Variants in KALRN observed in about 807,000 individuals in gnomAD.
KALRN encodes kalirin.
Under a neutral mutation model 353.7 loss-of-function variants are expected in KALRN, and 70 were observed. The observed-to-expected ratio is 0.20, with a 90% confidence interval of 0.16 to 0.24. The LOEUF is 0.24. Ranked by LOEUF, KALRN falls within the 10% of genes least tolerant of loss-of-function variation. The pLI is 1.00. For synonymous variants in KALRN, 1,391 were observed against 1,434.8 expected, an observed-to-expected ratio of 0.97 and a Z score of 0.69; for missense variants, 2,791 against 3,756.7, an observed-to-expected ratio of 0.74 and a Z score of 6.72.
chr3:124,391,695 T>C (rs1453913493), intron 11 of KALRN, among the ~76,000 whole-genome samples: 1 of 152,238 alleles, frequency 6.6e-6, no homozygotes, highest in African/African-American at 2.4e-5. Flanking sequence ...CTTTTATTTC[T>C]ATCTACCTTA....
At chr3:124,473,564 C>T (rs946838890) in intron 25 of KALRN, among the ~76,000 whole-genome samples, 1 of 152,116 alleles carries the variant, frequency 6.6e-6, no homozygotes, top group East Asian at 1.9e-4. Flanking sequence ...TAGCTTCTCC[C>T]AGAGTTCTTC....
chr3:124,275,015 C>G (rs1316309971), intron 5 of KALRN, among the ~76,000 whole-genome samples: 2 of 152,128 alleles, frequency 1.3e-5, no homozygotes, highest in Non-Finnish European at 2.9e-5. Context: ...CTTATCACCC[C>G]CAATTGTGTT....
intron 34 of KALRN, among the ~76,000 whole-genome samples, chr3:124,621,272 T>C (rs2149686966): frequency 6.6e-6 from 1 of 152,358 alleles, no homozygotes. Flanking sequence ...CTTGCTTTTG[T>C]ACTTTTAATT....
intron 10 of KALRN, among the ~76,000 whole-genome samples, chr3:124,379,180 C>A (rs1268455875): frequency 1.3e-5 from 2 of 152,092 alleles, no homozygotes; most frequent in Non-Finnish European, 2.9e-5. Flanking sequence ...AAAGCCTAAC[C>A]TACTGTTAAT....
chr3:124,629,807 T>G (rs2149801538), intron 34 of KALRN, among the ~76,000 whole-genome samples: 1 of 71,962 alleles, frequency 1.4e-5, no homozygotes, highest in African/African-American at 7.3e-5. Context: ...TTTCTCTCTC[T>G]CTCTCTGTCT....
intron 26 of KALRN, among the ~76,000 whole-genome samples, chr3:124,476,706 G>T (rs924611856): frequency 6.6e-6 from 1 of 152,072 alleles, no homozygotes; most frequent in African/African-American, 2.4e-5. Flanking sequence ...TGCCCCAGGG[G>T]GTCACTCTGC....
At chr3:124,497,365 T>A (rs1472291000) in intron 33 of KALRN, among the ~76,000 whole-genome samples, 3 of 152,358 alleles carry the variant, frequency 2.0e-5, no homozygotes, top group Non-Finnish European at 4.4e-5. Context: ...CAGCAGGCTG[T>A]GTCATTGCTT....
At chr3:124,629,142 T>C (rs987736640) in intron 34 of KALRN, among the ~76,000 whole-genome samples, 1 of 152,186 alleles carries the variant, frequency 6.6e-6, no homozygotes, top group African/African-American at 2.4e-5. Flanking sequence ...GAGGTAGAGC[T>C]GGTCAGGTAT....
intron 3 of KALRN, among the ~76,000 whole-genome samples, chr3:124,255,753 T>C (rs539688449): frequency 6.6e-6 from 1 of 152,196 alleles, no homozygotes; most frequent in African/African-American, 2.4e-5. Context: ...GGGGAGGGAA[T>C]GTATCTGTAA....
In KALRN at chr3:124,495,226, T is replaced by C. The variant is rs2063577640; in HGVS notation, c.4833-1085T>C. Reference sequence around the variant, plus strand: ...AAGCTGCTGTGGAACCTGTGACTGTTCACCAATCTTTGAGAAAATGCCTTG... The same window carrying C: ...AAGCTGCTGTGGAACCTGTGACTGTCCACCAATCTTTGAGAAAATGCCTTG... On this transcript the variant is annotated intron_variant, in intron 32 of 59. Transcript: ENST00000682506. 2.0e-5 allele frequency among the ~76,000 whole-genome samples: 3 copies of C among 152,138 alleles called. No individual in the cohort carries two copies. In the South Asian group the frequency reaches 6.2e-4, roughly 32 times the overall value.
intron 37 of KALRN, among the ~76,000 whole-genome samples, chr3:124,646,573 T>A (rs1457197607): frequency 6.6e-6 from 1 of 151,748 alleles, no homozygotes; most frequent in Admixed American, 6.6e-5. Flanking sequence ...GTATTTTTAG[T>A]AGAGATGGGG....
At chr3:124,537,783 C>T (rs1291138909) in intron 33 of KALRN, among the ~76,000 whole-genome samples, 1 of 152,186 alleles carries the variant, frequency 6.6e-6, no homozygotes, top group African/African-American at 2.4e-5. Context: ...TCTGAGAAAC[C>T]TTATGTGGTA....
At chr3:124,640,807 C>G (rs1219919078) in intron 37 of KALRN, among the ~76,000 whole-genome samples, 2 of 152,162 alleles carry the variant, frequency 1.3e-5, no homozygotes, top group African/African-American at 4.8e-5. Flanking sequence ...GCAACTAACT[C>G]TTTATTACCC....
intron 47 of KALRN, among the ~76,000 whole-genome samples, chr3:124,667,570 A>G (rs926929680): frequency 6.6e-6 from 1 of 152,244 alleles, no homozygotes; most frequent in Admixed American, 6.5e-5. Context: ...AGTGTTAACT[A>G]GAGATAAATG....
intron 1 of KALRN, among the ~76,000 whole-genome samples, chr3:124,085,630 A>G (rs989283117): frequency 2.0e-5 from 3 of 152,194 alleles, no homozygotes; most frequent in African/African-American, 7.2e-5. Flanking sequence ...GGGGGTAGAG[A>G]AGGAAATTGC....
At chr3:124,251,435 A>G (rs1056483833) in intron 3 of KALRN, among the ~76,000 whole-genome samples, 1 of 148,788 alleles carries the variant, frequency 6.7e-6, no homozygotes, top group African/African-American at 2.5e-5. Context: ...CAGTAGTGCA[A>G]TTTGGCTTAC....
At chr3:124,673,555 T>C (rs564084990) in intron 48 of KALRN, among the ~76,000 whole-genome samples, 1 of 151,724 alleles carries the variant, frequency 6.6e-6, no homozygotes, top group East Asian at 1.9e-4. Context: ...TATATGCATA[T>C]AGAATATATA....
chr3:124,654,654 A>G (rs1360975578), intron 38 of KALRN, among the ~76,000 whole-genome samples: 1 of 152,044 alleles, frequency 6.6e-6, no homozygotes, highest in African/African-American at 2.4e-5. Context: ...TGAGGCTTCA[A>G]GGACTCCCAA....
At chr3:124,575,239 T>A (rs2073977345) in intron 34 of KALRN, among the ~76,000 whole-genome samples, 1 of 152,194 alleles carries the variant, frequency 6.6e-6, no homozygotes, top group South Asian at 2.1e-4. Flanking sequence ...TTGCCTTACT[T>A]TCCACATGGG....
Sources: gnomAD v4.1 joint callset for allele counts (sites outside exome capture counted in the v4.1 genomes callset) on GRCh38, gnomAD v4.1.1 for gene constraint, MANE v1.5 for transcripts, NCBI Gene and HGNC (gene_info 2026-07-23, HGNC 2026-07-21) for gene names.